IDI2: variants seen among roughly 807,000 people sequenced by gnomAD.
The protein encoded by IDI2 is isopentenyl-diphosphate delta isomerase 2.
In IDI2, 18 loss-of-function variants were observed where a neutral mutation model predicts 14.8. The ratio of observed to expected loss-of-function variants is 1.22; its 90% confidence interval spans 0.84 to 1.80. The LOEUF (loss-of-function observed/expected upper bound fraction) is 1.80. Ranked by LOEUF, IDI2 falls within the 40% of genes most tolerant of loss-of-function variation. The pLI is 0.00. For synonymous variants in IDI2, 133 were observed against 109.6 expected (o/e 1.21, Z -1.33); for missense variants, 316 against 283.2 (o/e 1.12, Z -0.83).
In IDI2 at chr10:1,019,827, G is replaced by T; in HGVS notation, c.374C>A (p.Pro125Gln). 1 of 1,611,306 alleles carries T rather than the reference G, an allele frequency of 6.2e-7. No individual in the cohort carries two copies. Among genetic ancestry groups the T allele is most frequent in the Non-Finnish European group, 8.5e-7 (1 of 1,177,502 alleles). ...GATTGTCATGAACACAATGTCCTCT[G>T]GAGAAATCTATTGACAGAAATTGGT... is the stretch of plus-strand genomic sequence containing the variant. ...ELGIPGEQISPEDIVFMTIYH... is the reference protein window; with the variant it reads ...ELGIPGEQISQEDIVFMTIYH... Residue 125 changes from proline to glutamine, a missense_variant, in exon 5 of 5, where the codon CCA becomes CAA. By Grantham distance (76) the Pro-to-Gln change is moderately conservative (BLOSUM62 -1). Transcript: ENST00000277517.
At chr10:1,025,270 T>G (rs1832196507) in intron 1 of IDI2, among the ~76,000 whole-genome samples, 1 of 152,130 alleles carries the variant, frequency 6.6e-6, no homozygotes, top group Non-Finnish European at 1.5e-5. Flanking sequence ...CCAGGAGCGG[T>G]GGCTCACGTC....
chr10:1,021,429 T>C (rs962241395), intron 3 of IDI2, among the ~76,000 whole-genome samples: 2 of 152,202 alleles, frequency 1.3e-5, no homozygotes, highest in Non-Finnish European at 1.5e-5. Flanking sequence ...GTAACAGCAA[T>C]AGCGCTATGA....
chr10:1,021,698 T>C (rs1327420538), intron 3 of IDI2, among the ~76,000 whole-genome samples: 3 of 152,212 alleles, frequency 2.0e-5, no homozygotes, highest in Admixed American at 6.5e-5. Context: ...CTCCTGAATT[T>C]TTCTGAAACA....
chr10:1,025,184 C>A (rs1045597253), intron 1 of IDI2, among the ~76,000 whole-genome samples: 1 of 152,098 alleles, frequency 6.6e-6, no homozygotes, highest in Non-Finnish European at 1.5e-5. Flanking sequence ...GCTACGTCAC[C>A]CACAGAAGGG....
At position 1,019,305 on chromosome 10, in the gene IDI2, C is replaced by A; in HGVS notation, c.*212G>T. 3.8e-6 allele frequency: 2 copies of A among 525,052 alleles called. No homozygotes were observed. Among genetic ancestry groups the A allele is most frequent in the Non-Finnish European group, 6.7e-6 (2 of 297,646 alleles). The allele number at this position is 525,052 out of a possible 1,614,324, so 32.5% of individuals were successfully genotyped here. ...ACAAAGGAAATGTTAAATTTCCTCC[C>A]TGCAACCAGGCAGATGAGAAATATG... On this transcript the variant is annotated 3_prime_UTR_variant, in exon 5 of 5. Coordinates refer to ENST00000277517, the MANE Select transcript of IDI2 (RefSeq NM_033261.3).
At chr10:1,023,343 G>T (rs546476817) in intron 2 of IDI2, among the ~76,000 whole-genome samples, 3 of 152,046 alleles carry the variant, frequency 2.0e-5, no homozygotes, top group Non-Finnish European at 4.4e-5. Flanking sequence ...GGGCGTGGTG[G>T]CAGGTGCCTG....
intron 3 of IDI2, among the ~76,000 whole-genome samples, chr10:1,022,215 C>CCG (rs1832120215): frequency 3.3e-5 from 5 of 150,778 alleles, no homozygotes; most frequent in African/African-American, 1.2e-4. Flanking sequence ...GCCGAGATGG[C>CCG]GCCACTGCAC....
intron 4 of IDI2, 144 bp downstream of exon 4, chr10:1,020,623 A>G (rs1832075198): frequency 2.5e-6 from 2 of 801,212 alleles, no homozygotes; most frequent in Non-Finnish European, 1.9e-6. Context: ...CAGCTCATTC[A>G]CAGCCCCATC....
chr10:1,022,958 G>A (rs1156472604), intron 2 of IDI2, among the ~76,000 whole-genome samples, 183 bp from the exon 3 acceptor site: 4 of 152,078 alleles, frequency 2.6e-5, no homozygotes, highest in Non-Finnish European at 4.4e-5. Flanking sequence ...TAGAACACTC[G>A]GGAAACTAAA....
Position 1,022,702 on chromosome 10 carries a change from G to A in IDI2, c.216C>T (p.Asp72=), listed in dbSNP as rs772922349. ...ACTCACCAGGAAACGTGACTTTCGT[G>A]TCCGACCTCTGCTGTATCAGGATTC... The part of the protein sequence containing the change: ...KNRILIQQRS[D]TKVTFPGYFT... The change falls in exon 3 of 5, where the codon GAC becomes GAT. Residue 72 remains aspartate, a synonymous_variant. Coordinates refer to ENST00000277517, the MANE Select transcript of IDI2 (RefSeq NM_033261.3). The A allele has an allele frequency of 2.5e-6, 4 of 1,613,834 alleles. No individual in the cohort carries two copies. The highest frequency in any genetic ancestry group is 3.4e-6 in the Non-Finnish European group (4 of 1,179,764).
intron 2 of IDI2, among the ~76,000 whole-genome samples, chr10:1,023,475 C>CAA (rs1167849191): frequency 9.2e-5 from 7 of 76,196 alleles, no homozygotes; most frequent in Admixed American, 1.6e-4. Flanking sequence ...GACTCTGTCT[C>CAA]AAAAAAAAAA....
chr10:1,020,373 T>C (rs944883934), intron 4 of IDI2, among the ~76,000 whole-genome samples: 2 of 152,148 alleles, frequency 1.3e-5, no homozygotes, highest in African/African-American at 4.8e-5. Context: ...GTACTTTTAA[T>C]AGAGACGGGG....
intron 4 of IDI2, 85 bp downstream of exon 4, chr10:1,020,681 TA>T: frequency 7.3e-7 from 1 of 1,376,066 alleles, no homozygotes; most frequent in Non-Finnish European, 9.9e-7. Flanking sequence ...GTCAATGGTG[TA>T]GATCCAGCCT....
chr10:1,019,790 C>T lies in IDI2; in HGVS notation c.411G>A (p.Lys137=), dbSNP rs1564473969. The part of the protein sequence containing the change: ...DIVFMTIYHH[K]AKSDRIWGEH... ...CTCCCCAAATTCTGTCTGATTTTGC[C>T]TTGTGGTGATAGATTGTCATGAACA... Residue 137 remains lysine, a synonymous_variant, in exon 5 of 5, where the codon AAG becomes AAA. Coordinates refer to ENST00000277517, the MANE Select transcript of IDI2 (RefSeq NM_033261.3). The T allele has an allele frequency of 3.7e-6, 6 of 1,613,894 alleles. No individual in the cohort carries two copies. The highest frequency in any genetic ancestry group is 1.6e-4 in the Middle Eastern group (1 of 6,082).
At chr10:1,021,182 G>C (rs1832092117) in intron 3 of IDI2, among the ~76,000 whole-genome samples, 1 of 152,186 alleles carries the variant, frequency 6.6e-6, no homozygotes, top group Admixed American at 6.5e-5. Flanking sequence ...CACTATCCCA[G>C]TATGTCTTAG....
Position 1,019,768 on chromosome 10 carries a change from C to A in IDI2, c.433G>T (p.Gly145Ter). Residue 145 changes from glycine to a stop codon, truncating the protein, a stop_gained, in exon 5 of 5, where the codon GGA (glycine) becomes TGA (stop). Coordinates refer to ENST00000277517, the MANE Select transcript of IDI2 (RefSeq NM_033261.3). LOFTEE classifies it low-confidence loss of function (END_TRUNC). ...HHKAKSDRIW[G>*]EHEICYLLLV... ...AGAAGGTAACAAATTTCATGCTCTC[C>A]CCAAATTCTGTCTGATTTTGCCTTG... is the stretch of plus-strand genomic sequence containing the variant. The A allele has an allele frequency of 6.2e-7, 1 of 1,613,950 alleles. No individual in the cohort carries two copies. Among genetic ancestry groups the A allele is most frequent in the Non-Finnish European group, 8.5e-7 (1 of 1,179,966 alleles).
rs1451611814 is a variant in IDI2, at chr10:1,022,682, C to T, written c.235+1G>A. 8 of 1,611,516 alleles carry T rather than the reference C, an allele frequency of 5.0e-6. No homozygotes were observed. Among genetic ancestry groups the T allele is most frequent in the Non-Finnish European group, 6.8e-6 (8 of 1,177,704 alleles). ...TCCGGGGCTTGGTTGAACGGACTCA[C>T]CAGGAAACGTGACTTTCGTGTCCGA... On this transcript the variant is annotated splice_donor_variant, in intron 3 of 4. Coordinates refer to ENST00000277517, the MANE Select transcript of IDI2 (RefSeq NM_033261.3). LOFTEE classifies it high-confidence loss of function.
chr10:1,022,639 A>C, intron 3 of IDI2, 44 bp downstream of exon 3: 1 of 1,418,646 alleles, frequency 7.0e-7, no homozygotes, highest in East Asian at 2.3e-5. Flanking sequence ...GTCAAGTCAC[A>C]TGAGATGCTC....
intron 3 of IDI2, among the ~76,000 whole-genome samples, chr10:1,021,237 G>A (rs190567710): frequency 6.6e-6 from 1 of 152,348 alleles, no homozygotes; most frequent in Non-Finnish European, 1.5e-5. Context: ...CAGAGGACCT[G>A]AGATGCCATG....
Sources: gnomAD v4.1 joint callset for allele counts (sites outside exome capture counted in the v4.1 genomes callset) on GRCh38, gnomAD v4.1.1 for gene constraint, MANE v1.5 for transcripts, NCBI Gene and HGNC (gene_info 2026-07-23, HGNC 2026-07-21) for gene names.